VPS13D: variants seen among roughly 807,000 people sequenced by gnomAD.
VPS13D encodes the protein vacuolar protein sorting 13 homolog D.
In VPS13D, 187 loss-of-function variants were observed where a neutral mutation model predicts 461.9. That is an observed-to-expected ratio of 0.40 (90% CI 0.36 to 0.46). The LOEUF (loss-of-function observed/expected upper bound fraction) is 0.46. Among genes scored for constraint, VPS13D ranks in the 20% least tolerant of loss-of-function variants. The pLI is 0.60. For missense variants in VPS13D, 4,711 were observed against 5,364.9 expected, an observed-to-expected ratio of 0.88 and a Z score of 3.81; for synonymous variants, 1,951 against 1,986.3, an observed-to-expected ratio of 0.98 and a Z score of 0.47.
intron 63 of VPS13D, among the ~76,000 whole-genome samples, chr1:12,406,080 T>C (rs533948235): frequency 1.3e-5 from 2 of 151,708 alleles, no homozygotes; most frequent in Non-Finnish European, 3.0e-5. Flanking sequence ...TTCAAATCAT[T>C]GTGAAACAAT....
intron 63 of VPS13D, among the ~76,000 whole-genome samples, chr1:12,414,057 G>T (rs1419989849): frequency 6.6e-6 from 1 of 152,220 alleles, no homozygotes; most frequent in Non-Finnish European, 1.5e-5. Flanking sequence ...GCCAAGGCAG[G>T]CGGATTGCTT....
chr1:12,310,813 C>CCCTCCTTCCTTCCT (rs1642719928), intron 27 of VPS13D, among the ~76,000 whole-genome samples: 1 of 115,804 alleles, frequency 8.6e-6, no homozygotes, highest in Admixed American at 9.6e-5. Flanking sequence ...CCCTCCCTCC[C>CCCTCCTTCCTTCCT]TCCCTCCTTC....
chr1:12,362,597 C>A, intron 50 of VPS13D, 123 bp from the exon 51 acceptor site: 1 of 959,158 alleles, frequency 1.0e-6, no homozygotes, highest in Non-Finnish European at 1.6e-6. Flanking sequence ...GTTCAATATC[C>A]TCTGGGTGAT....
chr1:12,438,184 C>T, intron 65 of VPS13D, among the ~76,000 whole-genome samples: 1 of 152,102 alleles, frequency 6.6e-6, no homozygotes, highest in East Asian at 1.9e-4. Context: ...AATGTGTCCC[C>T]CCAGAATTCA....
At chr1:12,341,991 A>G (rs1210704733) in intron 41 of VPS13D, 106 bp downstream of exon 41, 1 of 906,626 alleles carries the variant, frequency 1.1e-6, no homozygotes, top group Non-Finnish European at 1.7e-6. Flanking sequence ...TTGGGATGAT[A>G]TTTGAATGAA....
rs1641637132 is a variant in VPS13D, at chr1:12,277,101, T to C, written c.3513T>C (p.His1171=). The C allele has an allele frequency of 1.2e-6, 2 of 1,614,190 alleles. No homozygotes were observed. The highest frequency in any genetic ancestry group is 1.7e-6 in the Non-Finnish European group (2 of 1,180,048). Residue 1171 remains histidine, a synonymous_variant, in exon 19 of 70, where the codon CAT becomes CAC. Coordinates refer to ENST00000620676, the MANE Select transcript of VPS13D (RefSeq NM_015378.4). ...EQNTEVAVEI[H]RLNLLLLRTV... The stretch of plus-strand genomic sequence containing the variant: ...ACACTGAGGTTGCAGTGGAAATCCA[T>C]AGGCTGAACTTACTGCTTCTTCGGA...
chr1:12,442,585 C>CTTTTTT (rs370449071), intron 65 of VPS13D, among the ~76,000 whole-genome samples: 1 of 138,688 alleles, frequency 7.2e-6, no homozygotes. Context: ...ATTTCCCTTA[C>CTTTTTT]TTTTTTTTTT....
At chr1:12,303,106 A>G (rs1381644553) in intron 25 of VPS13D, among the ~76,000 whole-genome samples, 3 of 152,154 alleles carry the variant, frequency 2.0e-5, no homozygotes, top group Non-Finnish European at 4.4e-5. Context: ...TTGTATTTGC[A>G]TTTGCCTTTG....
Position 12,496,117 on chromosome 1 carries a change from G to A in VPS13D, c.12663-1383G>A, listed in dbSNP as rs114651233. 5.3e-3 allele frequency among the ~76,000 whole-genome samples: 808 copies of A among 152,148 alleles called. 5 individuals carry two copies. Among genetic ancestry groups the A allele is most frequent in the Middle Eastern group, 0.014 (4 of 294 alleles). On this transcript the variant is annotated intron_variant, in intron 67 of 69. Coordinates refer to ENST00000620676, the MANE Select transcript of VPS13D (RefSeq NM_015378.4). Reference sequence around the variant, plus strand: ...GTGAGTGTGTGATATAAACACAATGGGTTTTTTACTCTTTCCCTTAGTGCA... The same window carrying A: ...GTGAGTGTGTGATATAAACACAATGAGTTTTTTACTCTTTCCCTTAGTGCA...
chr1:12,475,714 G>A (rs1645622168), intron 67 of VPS13D, among the ~76,000 whole-genome samples: 1 of 152,150 alleles, frequency 6.6e-6, no homozygotes, highest in African/African-American at 2.4e-5. Flanking sequence ...CTACAAAGTG[G>A]CCCCAGACAT....
At chr1:12,295,817 T>C (rs1392279173) in intron 24 of VPS13D, among the ~76,000 whole-genome samples, 1 of 152,210 alleles carries the variant, frequency 6.6e-6, no homozygotes, top group African/African-American at 2.4e-5. Context: ...TCCTTCCCTA[T>C]TCCGTTCCCC....
chr1:12,257,498 A>G (rs977901524), intron 9 of VPS13D, among the ~76,000 whole-genome samples: 1 of 152,186 alleles, frequency 6.6e-6, no homozygotes, highest in Non-Finnish European at 1.5e-5. Flanking sequence ...TCCTGTTTTC[A>G]TGTTGCAGTG....
intron 27 of VPS13D, among the ~76,000 whole-genome samples, chr1:12,309,908 G>C (rs1007025704): frequency 6.6e-6 from 1 of 152,076 alleles, no homozygotes; most frequent in African/African-American, 2.4e-5. Context: ...CTGGATTAAT[G>C]ATACAACTTA....
intron 27 of VPS13D, 115 bp from the exon 28 acceptor site, chr1:12,311,339 A>C (rs540069909): frequency 1.1e-6 from 1 of 908,552 alleles, no homozygotes; most frequent in African/African-American, 1.7e-5. Context: ...GGAAGTAGGA[A>C]TTACCTACTT....
intron 2 of VPS13D, among the ~76,000 whole-genome samples, chr1:12,241,853 G>A (rs1161480393): frequency 6.6e-6 from 1 of 152,110 alleles, no homozygotes; most frequent in African/African-American, 2.4e-5. Flanking sequence ...GGGGGTGGAA[G>A]GAACTTGTTA....
intron 42 of VPS13D, among the ~76,000 whole-genome samples, chr1:12,344,617 A>G (rs1643637301): frequency 6.6e-6 from 1 of 152,098 alleles, no homozygotes; most frequent in African/African-American, 2.4e-5. Context: ...TTGTTTCCGT[A>G]TTTCATAATC....
At chr1:12,346,674 T>C in intron 44 of VPS13D, 22 bp downstream of exon 44, 5 of 1,610,316 alleles carry the variant, frequency 3.1e-6, no homozygotes, top group Non-Finnish European at 4.2e-6. Flanking sequence ...TTTCCTGTTG[T>C]CATTGTGTTT....
intron 39 of VPS13D, chr1:12,337,534 C>T (rs1643478022): frequency 6.6e-6 from 1 of 152,150 alleles, no homozygotes; most frequent in African/African-American, 2.4e-5. Context: ...GTTTCTTTAT[C>T]AGGGGAAAGA....
intron 63 of VPS13D, among the ~76,000 whole-genome samples, chr1:12,405,188 C>T (rs575115146): frequency 1.2e-4 from 18 of 152,354 alleles, no homozygotes; most frequent in Non-Finnish European, 2.2e-4. Context: ...CGCCACAACC[C>T]GCTCCAGCCG....
Sources: gnomAD v4.1 joint callset for allele counts (sites outside exome capture counted in the v4.1 genomes callset) on GRCh38, gnomAD v4.1.1 for gene constraint, MANE v1.5 for transcripts, NCBI Gene and HGNC (gene_info 2026-07-23, HGNC 2026-07-21) for gene names.